The following ZNF814 variants were observed in gnomAD, a reference collection of about 807,000 sequenced individuals.
The protein encoded by ZNF814 is zinc finger protein 814.
In ZNF814, 5 loss-of-function variants were observed where a neutral mutation model predicts 7.5. That is an observed-to-expected ratio of 0.67 (90% CI 0.35 to 1.40). The LOEUF (loss-of-function observed/expected upper bound fraction) is 1.40, where lower values mean the gene tolerates loss of function less well. ZNF814 is among the 40% of genes most tolerant of loss of function. ZNF814 has a pLI of 0.04. For missense variants in ZNF814, 962 were observed against 1,018.0 expected (o/e 0.94, Z 0.75); for synonymous variants, 315 against 340.7 (o/e 0.92, Z 0.83).
chr19:57,884,434 A>T (rs1449149116), intron 1 of ZNF814, among the ~76,000 whole-genome samples: 2 of 152,116 alleles, frequency 1.3e-5, no homozygotes, highest in African/African-American at 4.8e-5. Context: ...TTAACCAGTG[A>T]GACCCCCATC....
At position 57,873,919 on chromosome 19, in the gene ZNF814, G is replaced by T. The variant is rs750418092; in HGVS notation, c.1471C>A (p.Pro491Thr). ...TTCCCACATTCTCCACACTGATAAG[G>T]TCTTTCTCCACTGTGAACTCGCTGA... ...HHQRVHSGER[P>T]YQCGECGKSF... The change falls in exon 3 of 3, where the codon CCT (proline) becomes ACT (threonine). Residue 491 changes from proline to threonine, a missense_variant. Transcript: ENST00000435989. The T allele has an allele frequency of 6.2e-7, 1 of 1,613,612 alleles. No individual in the cohort carries two copies. The highest frequency in any genetic ancestry group is 8.5e-7 in the Non-Finnish European group (1 of 1,179,888).
At chr19:57,898,713 C>T in the ZNF814 span, among the ~76,000 whole-genome samples, 54 of 152,114 alleles carry the variant, frequency 3.5e-4, no homozygotes, top group Non-Finnish European at 5.4e-4. Flanking sequence ...GAGGCCGAGG[C>T]GGGTGGATGG....
chr19:57,873,816 C>A lies in ZNF814; in HGVS notation c.1574G>T (p.Cys525Phe). Residue 525 changes from cysteine (C) to phenylalanine (F), a missense_variant, in exon 3 of 3, where the codon TGT becomes TTT. Around this residue, in one of 7 missense-constraint regions of ZNF814, gnomAD observed 665 missense variants for 551.4 expected, o/e 1.21. Transcript: ENST00000435989. ...TGARPYECGE[C>F]GKSFSSKGHL... The stretch of plus-strand genomic sequence containing the variant: ...TCCTTTTGAACTAAATGATTTCCCA[C>A]ATTCTCCACACTCATAAGGTCTTGC... 1 of 1,614,156 alleles carries A rather than the reference C, an allele frequency of 6.2e-7. No homozygotes were observed. The highest frequency in any genetic ancestry group is 1.1e-5 in the South Asian group (1 of 91,070).
At chr19:57,878,384 G>A (rs2071624958) in intron 1 of ZNF814, among the ~76,000 whole-genome samples, 1 of 151,644 alleles carries the variant, frequency 6.6e-6, no homozygotes, top group Non-Finnish European at 1.5e-5. Flanking sequence ...AAATGGAATT[G>A]AAACTCACTA....
chr19:57,876,248 C>T (rs1378537329), intron 2 of ZNF814, among the ~76,000 whole-genome samples: 2 of 151,894 alleles, frequency 1.3e-5, no homozygotes, highest in African/African-American at 2.4e-5. Flanking sequence ...GAGCCACCAT[C>T]CCCAGCCCAG....
In ZNF814 at chr19:57,877,020, A is replaced by G; in HGVS notation, c.59T>C (p.Val20Ala). The change falls in exon 2 of 3, where the codon GTG (valine) becomes GCG (alanine). Residue 20 changes from valine (V) to alanine (A), a missense_variant. By Grantham distance (64) the Val-to-Ala change is moderately conservative. Around this residue, in one of 7 missense-constraint regions of ZNF814, gnomAD observed 63 missense variants for 65.0 expected, o/e 0.97. Transcript: ENST00000435989. ...TTCCTCCCAGGTAAAGTTCACAGCC[A>G]CATCTTCAAAAGTCACTGTGCCCTG... ...SAQGTVTFED[V>A]AVNFTWEEWN... 1 of 1,614,120 alleles carries G rather than the reference A, an allele frequency of 6.2e-7. No individual in the cohort carries two copies. The highest frequency in any genetic ancestry group is 8.5e-7 in the Non-Finnish European group (1 of 1,179,996).
Position 57,873,264 on chromosome 19 carries a change from A to T in ZNF814, c.2126T>A (p.Ile709Asn). 1.2e-6 allele frequency: 2 copies of T among 1,601,072 alleles called. No individual in the cohort carries two copies. Among genetic ancestry groups the T allele is most frequent in the Non-Finnish European group, 8.5e-7 (1 of 1,173,494 alleles). ...AGCATATGGCTTTTCTCCATTGTGA[A>T]TTCTCTGGTGTACAAGGAGGTGAGA... ...KKSHLLVHQR[I>N]HNGEKPYACE... The change falls in exon 3 of 3, where the codon ATT becomes AAT. Residue 709 changes from isoleucine (I) to asparagine (N), a missense_variant. Ile to Asn is a moderately radical substitution (Grantham distance 149, BLOSUM62 -3). This residue lies in a region of ZNF814 where 665 missense variants were observed against 551.4 expected (regional missense o/e 1.21). Transcript: ENST00000435989.
chr19:57,894,089 A>G, the ZNF814 span, among the ~76,000 whole-genome samples: 2 of 150,528 alleles, frequency 1.3e-5, no homozygotes, highest in Admixed American at 6.6e-5. Context: ...TCTCGAAAAA[A>G]AAAAAAGTCC....
chr19:57,878,923 G>A (rs548845340), intron 1 of ZNF814, among the ~76,000 whole-genome samples: 17 of 151,728 alleles, frequency 1.1e-4, no homozygotes, highest in African/African-American at 2.7e-4. Flanking sequence ...ACACACACAC[G>A]CACACATACA....
chr19:57,871,792 G>C lies in ZNF814; in HGVS notation c.*1030C>G, dbSNP rs1301694476. ...TACTCAACAAATCCTTCTGTGACTC[G>C]ATCAGAAATTAAAAGTTAAAAAAAA... On this transcript the variant is annotated 3_prime_UTR_variant, in exon 3 of 3. Transcript: ENST00000435989. The C allele has an allele frequency of 7.3e-6, 1 of 137,270 alleles. No individual in the cohort carries two copies. Among genetic ancestry groups the C allele is most frequent in the African/African-American group, 2.8e-5 (1 of 35,414 alleles). 8.5% of individuals were successfully genotyped at this position (137,270 alleles called of 1,614,324 possible). A position where few individuals can be genotyped will look rare whatever the true frequency, so the allele number is the denominator to read the frequency against.
the ZNF814 span, among the ~76,000 whole-genome samples, chr19:57,897,224 T>A: frequency 1.3e-5 from 2 of 152,164 alleles, no homozygotes; most frequent in African/African-American, 4.8e-5. Context: ...ATTAGACCTA[T>A]GAGAGGGAAG....
chr19:57,872,657 A>G lies in ZNF814; in HGVS notation c.*165T>C. 2 of 1,530,304 alleles carry G rather than the reference A, an allele frequency of 1.3e-6. No homozygotes were observed. Among genetic ancestry groups the G allele is most frequent in the Non-Finnish European group, 1.8e-6 (2 of 1,120,066 alleles). The allele number at this position is 1,530,304 out of a possible 1,614,324, so 94.8% of individuals were successfully genotyped here. ...GATTTCCCACATTCACTGCACTCAT[A>G]AGGTGGTGTGACCAGTGTGAACTCT... On this transcript the variant is annotated 3_prime_UTR_variant, in exon 3 of 3. Coordinates refer to ENST00000435989, the MANE Select transcript of ZNF814 (RefSeq NM_001144989.2).
rs759730933 is a variant in ZNF814 at position 57,873,905 on chromosome 19, T to C, written c.1485A>G (p.Gly495=). The change falls in exon 3 of 3, where the codon GGA becomes GGG. Residue 495 remains glycine, a synonymous_variant. Coordinates refer to ENST00000435989, the MANE Select transcript of ZNF814 (RefSeq NM_001144989.2). ...TTTGACTGAAAGATTTCCCACATTC[T>C]CCACACTGATAAGGTCTTTCTCCAC... is the stretch of plus-strand genomic sequence containing the variant. ...VHSGERPYQC[G]ECGKSFSQKG... is the part of the protein sequence containing the mutation. The C allele has an allele frequency of 9.3e-6, 15 of 1,613,774 alleles. No homozygotes were observed. In the African/African-American group the frequency reaches 1.5e-4, roughly 16 times the overall value.
At chr19:57,886,151 G>T (rs1230233235) in intron 1 of ZNF814, among the ~76,000 whole-genome samples, 1 of 152,036 alleles carries the variant, frequency 6.6e-6, no homozygotes, top group Admixed American at 6.6e-5. Flanking sequence ...TACCAGTGAG[G>T]GAATGGAACA....
upstream of ZNF814, among the ~76,000 whole-genome samples, chr19:57,893,465 C>A (rs1181158454): frequency 2.0e-5 from 3 of 151,802 alleles, no homozygotes; most frequent in Non-Finnish European, 4.4e-5. Context: ...TGAGCCACTG[C>A]ACCCAGCAAG....
In ZNF814 at chr19:57,888,810, C is replaced by G. The variant is rs2071714755; in HGVS notation, c.-8G>C. On this transcript the variant is annotated 5_prime_UTR_variant, in exon 1 of 3. Coordinates refer to ENST00000435989, the MANE Select transcript of ZNF814 (RefSeq NM_001144989.2). ...CGTAGCCGCGGCAGCCATCGAACCA[C>G]GTGGTTTTAAGCAGAGTCGGGAGGA... 1 of 1,551,684 alleles carries G rather than the reference C, an allele frequency of 6.4e-7. No homozygotes were observed. Among genetic ancestry groups the G allele is most frequent in the South Asian group, 1.2e-5 (1 of 84,050 alleles).
chr19:57,888,629 G>C, intron 1 of ZNF814, 138 bp downstream of exon 1: 1 of 1,132,220 alleles, frequency 8.8e-7, no homozygotes, highest in Non-Finnish European at 1.3e-6. Context: ...ACGGGTGTCA[G>C]AAATGGGGCC....
At chr19:57,889,260 C>T (rs2071719245), upstream of ZNF814, among the ~76,000 whole-genome samples, 1 of 152,166 alleles carries the variant, frequency 6.6e-6, no homozygotes, top group African/African-American at 2.4e-5. Context: ...AGATGTGCGT[C>T]CTGACTGGTA....
intron 1 of ZNF814, among the ~76,000 whole-genome samples, chr19:57,888,029 TCAAG>T (rs1161975213): frequency 1.3e-5 from 2 of 152,230 alleles, no homozygotes; most frequent in Non-Finnish European, 2.9e-5. Context: ...TAAAAGTTAA[TCAAG>T]CCCCTTCCTC....
Sources: gnomAD v4.1 joint callset for allele counts (sites outside exome capture counted in the v4.1 genomes callset) on GRCh38, gnomAD v4.1.1 for gene constraint, gnomAD v4.1.1 regional missense constraint, MANE v1.5 for transcripts, NCBI Gene and HGNC (gene_info 2026-07-23, HGNC 2026-07-21) for gene names.